The following TRIT1 variants were observed in gnomAD, a reference collection of about 807,000 sequenced individuals.
The protein encoded by TRIT1 is tRNA isopentenyltransferase 1.
TRIT1 carries 43 observed loss-of-function variants against 51.2 expected under a neutral mutation model. The observed-to-expected ratio is 0.84, with a 90% confidence interval of 0.66 to 1.08. The LOEUF (loss-of-function observed/expected upper bound fraction) is 1.08, where lower values mean the gene tolerates loss of function less well. Among genes scored for constraint, TRIT1 ranks in the 50% least tolerant of loss-of-function variants. The pLI, the probability that TRIT1 is intolerant of heterozygous loss-of-function variation, is 0.00. For missense variants in TRIT1, 528 were observed against 578.4 expected (o/e 0.91, Z 0.89); for synonymous variants, 184 against 203.9 (o/e 0.90, Z 0.83).
Position 39,853,968 on chromosome 1 carries a change from AC to A in TRIT1, c.414+1del. Reference sequence around the variant, plus strand: ...AGTGAGTTACGAGTGAACTAAACTTACCTTGGTATTGACAAGAACTTTCCAG... The same window carrying A: ...AGTGAGTTACGAGTGAACTAAACTTACTTGGTATTGACAAGAACTTTCCAG... On this transcript the variant is annotated splice_donor_variant, in intron 3 of 10. Coordinates refer to ENST00000316891, the MANE Select transcript of TRIT1 (RefSeq NM_017646.6). LOFTEE classifies it high-confidence loss of function. 1 of 1,604,162 alleles carries A rather than the reference AC, an allele frequency of 6.2e-7. No homozygotes were observed.
At chr1:39,858,001 G>A (rs1489618919) in intron 1 of TRIT1, among the ~76,000 whole-genome samples, 1 of 152,092 alleles carries the variant, frequency 6.6e-6, no homozygotes, top group African/African-American at 2.4e-5. Flanking sequence ...ACTGCTTCAG[G>A]GGTCAGCAAG....
In TRIT1 at chr1:39,859,515, G is replaced by A. The variant is rs72939728; in HGVS notation, c.175-2098C>T. ...GGGAGGATCCTTGTGCCTGGAAGGC[G>A]GAGGCTGCAGCGAGCCGAGATCATA... On this transcript the variant is annotated intron_variant, in intron 1 of 10. Coordinates refer to ENST00000316891, the MANE Select transcript of TRIT1 (RefSeq NM_017646.6). Among the ~76,000 whole-genome samples the A allele has an allele frequency of 8.8e-3, 1,323 of 150,086 alleles. 32 individuals are homozygous for A. The highest frequency in any genetic ancestry group is 0.03 in the African/African-American group (1,245 of 40,860).
intron 1 of TRIT1, among the ~76,000 whole-genome samples, chr1:39,869,215 G>C (rs1643731020): frequency 6.6e-6 from 1 of 152,012 alleles, no homozygotes; most frequent in Non-Finnish European, 1.5e-5. Flanking sequence ...TGATTCTCCT[G>C]CTTCAGCCTG....
At position 39,848,112 on chromosome 1, in the gene TRIT1, G is replaced by A; in HGVS notation, c.704-15C>T. Reference sequence around the variant, plus strand: ...CTCATCTAGAACTTGAATCAAATTAGCCCATCAACCAGCAAGCAAGTTGTA... The same window carrying A: ...CTCATCTAGAACTTGAATCAAATTAACCCATCAACCAGCAAGCAAGTTGTA... On this transcript the variant is annotated splice_polypyrimidine_tract_variant and intron_variant, in intron 5 of 10. Transcript: ENST00000316891. 6.2e-7 allele frequency: 1 copy of A among 1,608,310 alleles called. No individual in the cohort carries two copies. The highest frequency in any genetic ancestry group is 8.5e-7 in the Non-Finnish European group (1 of 1,174,834).
intron 1 of TRIT1, among the ~76,000 whole-genome samples, chr1:39,874,946 G>A (rs1022630233): frequency 2.0e-5 from 3 of 151,906 alleles, no homozygotes; most frequent in African/African-American, 4.8e-5. Context: ...GGAATTATAG[G>A]CGTGAGCCAC....
chr1:39,852,555 T>C (rs942167641), intron 4 of TRIT1, 176 bp downstream of exon 4: 2 of 690,292 alleles, frequency 2.9e-6, no homozygotes, highest in East Asian at 2.6e-5. Context: ...CAATTATTTA[T>C]TGAGGGAGTT....
At chr1:39,882,328 G>A (rs1205300336) in intron 1 of TRIT1, among the ~76,000 whole-genome samples, 1 of 152,190 alleles carries the variant, frequency 6.6e-6, no homozygotes, top group African/African-American at 2.4e-5. Flanking sequence ...GGGTGAGTTG[G>A]GGAAAGGAAC....
chr1:39,856,060 A>G (rs1394737831), intron 2 of TRIT1, among the ~76,000 whole-genome samples: 1 of 151,658 alleles, frequency 6.6e-6, no homozygotes, highest in African/African-American at 2.4e-5. Context: ...TTATCCCAGC[A>G]CTTTGGAAGG....
intron 3 of TRIT1, among the ~76,000 whole-genome samples, chr1:39,853,381 AT>A (rs141647325): frequency 1.5e-3 from 221 of 149,988 alleles, no homozygotes; most frequent in Middle Eastern, 3.4e-3. Context: ...AATTATACAT[AT>A]TTTTTTCTTG....
intron 1 of TRIT1, among the ~76,000 whole-genome samples, chr1:39,874,212 T>A (rs1643971797): frequency 2.0e-5 from 3 of 152,098 alleles, no homozygotes; most frequent in Admixed American, 2.0e-4. Context: ...TAGGACAGTT[T>A]CTTAACTTTA....
chr1:39,853,459 C>T (rs1169061310), intron 3 of TRIT1, among the ~76,000 whole-genome samples: 4 of 151,814 alleles, frequency 2.6e-5, no homozygotes, highest in Admixed American at 1.3e-4. Context: ...TACAGTGGCG[C>T]AATCTCAGCT....
chr1:39,869,516 G>A (rs1229916522), intron 1 of TRIT1, among the ~76,000 whole-genome samples: 19 of 152,264 alleles, frequency 1.2e-4, no homozygotes, highest in Non-Finnish European at 1.9e-4. Context: ...GCCTCTGCCC[G>A]GCCGCCACCC....
At chr1:39,870,617 GA>G (rs35350354) in intron 1 of TRIT1, among the ~76,000 whole-genome samples, 16,249 of 121,178 alleles carry the variant, frequency 0.13, 1,527 homozygotes, top group African/African-American at 0.31. Context: ...GAAATTAAAA[GA>G]AAAAAAAAAA....
intron 1 of TRIT1, among the ~76,000 whole-genome samples, chr1:39,879,690 A>G (rs1378443023): frequency 6.6e-6 from 1 of 151,516 alleles, no homozygotes; most frequent in Non-Finnish European, 1.5e-5. Context: ...CCTGGCCAAC[A>G]TGGTGAAACC....
Position 39,840,963 on chromosome 1 carries a change from T to C in TRIT1, c.*781A>G, listed in dbSNP as rs1215710913. On this transcript the variant is annotated 3_prime_UTR_variant, in exon 11 of 11. Transcript: ENST00000316891. Reference sequence around the variant, plus strand: ...AGCATGATCTACAAAAAGTGTCAAATTTGAGAAAAAGCTATCACATTGATA... The same window carrying C: ...AGCATGATCTACAAAAAGTGTCAAACTTGAGAAAAAGCTATCACATTGATA... The C allele has an allele frequency of 1.3e-5, 2 of 152,174 alleles. No individual in the cohort carries two copies. Among genetic ancestry groups the C allele is most frequent in the Non-Finnish European group, 2.9e-5 (2 of 68,018 alleles). 9.4% of individuals were successfully genotyped at this position (152,174 alleles called of 1,614,324 possible).
chr1:39,876,102 G>C (rs59336625), intron 1 of TRIT1: 13,193 of 152,050 alleles, frequency 0.087, 842 homozygotes, highest in African/African-American at 0.17. Context: ...ACAGGGTCCT[G>C]GTCTGATTCA....
At chr1:39,859,068 T>C (rs566106105) in intron 1 of TRIT1, among the ~76,000 whole-genome samples, 41 of 151,660 alleles carry the variant, frequency 2.7e-4, no homozygotes, top group Non-Finnish European at 4.7e-4. Flanking sequence ...CTGACCAACA[T>C]GATGAAACCC....
At chr1:39,868,504 C>A (rs77857849) in intron 1 of TRIT1, among the ~76,000 whole-genome samples, 13 of 151,932 alleles carry the variant, frequency 8.6e-5, no homozygotes, top group African/African-American at 3.1e-4. Context: ...ATTAGCCAGG[C>A]GTGCTGGCAA....
chr1:39,863,274 G>A (rs1368315504), intron 1 of TRIT1, among the ~76,000 whole-genome samples: 2 of 152,240 alleles, frequency 1.3e-5, no homozygotes, highest in African/African-American at 2.4e-5. Flanking sequence ...AGACCAGCCC[G>A]GCCAATATAG....
Sources: gnomAD v4.1 joint callset for allele counts (sites outside exome capture counted in the v4.1 genomes callset) on GRCh38, gnomAD v4.1.1 for gene constraint, MANE v1.5 for transcripts, NCBI Gene and HGNC (gene_info 2026-07-23, HGNC 2026-07-21) for gene names.